DSE: variants seen among roughly 807,000 people sequenced by gnomAD.
The protein encoded by DSE is dermatan-sulfate epimerase.
A neutral mutation model predicts 84.4 loss-of-function variants in DSE; 36 were observed. That is an observed-to-expected ratio of 0.43 (90% CI 0.33 to 0.56). DSE has a LOEUF of 0.56. Among genes scored for constraint, DSE ranks in the 20% least tolerant of loss-of-function variants. The pLI is 0.06. For synonymous variants in DSE, 410 were observed against 430.1 expected, an observed-to-expected ratio of 0.95 and a Z score of 0.58; for missense variants, 862 against 1,169.6, an observed-to-expected ratio of 0.74 and a Z score of 3.84.
chr6:116,299,535 TATATATATATATATATACACATAC>T (rs1412922208), intron 2 of DSE, among the ~76,000 whole-genome samples: 1,103 of 30,440 alleles, frequency 0.036, 59 homozygotes, highest in South Asian at 0.075. Context: ...TATATATATA[TATATATATATATATATACACATAC>T]ACACACACAC....
Position 116,441,717 on chromosome 6 carries a change from A to G in DSE, c.*4372A>G, listed in dbSNP as rs530406037. On this transcript the variant is annotated 3_prime_UTR_variant, in exon 6 of 6. Transcript: ENST00000644252. ...TGAAAATCTATTTGCTGTTAATTTA[A>G]TGGGGTTTTAGGAAGGAACTGAAGG... is the stretch of plus-strand genomic sequence containing the variant. The G allele has an allele frequency of 6.6e-6, 1 of 152,266 alleles. No homozygotes were observed. Among genetic ancestry groups the G allele is most frequent in the Admixed American group, 6.5e-5 (1 of 15,270 alleles). 9.4% of individuals were successfully genotyped at this position (152,266 alleles called of 1,614,324 possible).
chr6:116,258,599 G>C, exon 2 of DSE: 3 of 1,611,472 alleles, frequency 1.9e-6, no homozygotes, highest in Non-Finnish European at 2.5e-6. Context: ...TCCTCTGCCA[G>C]GCACTCAGCA....
rs763948207 is a variant in DSE, at chr6:116,433,349, A to G, written c.917A>G (p.Gln306Arg). ...FMYRTILPGF[Q>R]RTVAIADSNY... The stretch of plus-strand genomic sequence containing the variant: ...TTCCAACTTATTTCCCTAGGGTTTC[A>G]AAGGACTGTGGCTATTGCGGACTCA... Residue 306 changes from glutamine to arginine, a missense_variant, in exon 5 of 6, where the codon CAA (glutamine) becomes CGA (arginine). Physicochemically the swap from Gln to Arg is conservative, Grantham distance 43. This residue lies in a region of DSE where 309 missense variants were observed against 516.9 expected (regional missense o/e 0.60). Coordinates refer to ENST00000644252, the MANE Select transcript of DSE (RefSeq NM_013352.4). 2 of 1,551,118 alleles carry G rather than the reference A, an allele frequency of 1.3e-6. No individual in the cohort carries two copies. Among genetic ancestry groups the G allele is most frequent in the South Asian group, 2.4e-5 (2 of 84,030 alleles).
Position 116,442,108 on chromosome 6 carries a change from C to A in DSE, c.*4763C>A, listed in dbSNP as rs1050070143. The A allele has an allele frequency of 6.6e-6, 1 of 152,178 alleles. No individual in the cohort carries two copies. Among genetic ancestry groups the A allele is most frequent in the African/African-American group, 2.4e-5 (1 of 41,408 alleles). The allele number at this position is 152,178 out of a possible 1,614,324, so 9.4% of individuals were successfully genotyped here. On this transcript the variant is annotated 3_prime_UTR_variant, in exon 6 of 6. Transcript: ENST00000644252. ...TTGAAAGAAATAAGGGAATGAATCA[C>A]AGGGACATCTAAGAGAGAGGAGCAT...
chr6:116,257,626 C>A (rs934901929), intron 1 of DSE, among the ~76,000 whole-genome samples: 1 of 152,194 alleles, frequency 6.6e-6, no homozygotes, highest in African/African-American at 2.4e-5. Context: ...CTGGTGAGGG[C>A]CTACATCCTG....
chr6:116,354,894 C>T (rs1031958078), intron 2 of DSE, among the ~76,000 whole-genome samples: 1 of 151,808 alleles, frequency 6.6e-6, no homozygotes, highest in Non-Finnish European at 1.5e-5. Context: ...TATAAAAAGC[C>T]AATCTGTAAT....
chr6:116,347,413 C>A (rs895710004), intron 2 of DSE, among the ~76,000 whole-genome samples: 9 of 152,118 alleles, frequency 5.9e-5, no homozygotes, highest in African/African-American at 2.2e-4. Flanking sequence ...GTACTGGTAC[C>A]AAAACAGCAT....
At chr6:116,293,063 T>C (rs1417355225) in intron 2 of DSE, among the ~76,000 whole-genome samples, 1 of 152,090 alleles carries the variant, frequency 6.6e-6, no homozygotes, top group African/African-American at 2.4e-5. Flanking sequence ...ATTTAAAATA[T>C]TTTTCAGACA....
intron 2 of DSE, among the ~76,000 whole-genome samples, chr6:116,319,358 A>C (rs755695626): frequency 1.3e-5 from 2 of 152,198 alleles, no homozygotes; most frequent in Admixed American, 6.5e-5. Flanking sequence ...CTGTTTTTGT[A>C]GTTATTCAGG....
chr6:116,398,757 G>A (rs1415508251), intron 1 of DSE, among the ~76,000 whole-genome samples: 1 of 152,226 alleles, frequency 6.6e-6, no homozygotes, highest in African/African-American at 2.4e-5. Flanking sequence ...CAGTGAAAGA[G>A]GCTGTAGTAA....
intron 2 of DSE, among the ~76,000 whole-genome samples, chr6:116,293,246 G>A (rs771094032): frequency 6.6e-6 from 1 of 151,718 alleles, no homozygotes; most frequent in Non-Finnish European, 1.5e-5. Context: ...TTGAGTTCAA[G>A]GTGAATTAAA....
At position 116,399,682 on chromosome 6, in the gene DSE, G is replaced by C. The variant is rs1261649772; in HGVS notation, c.416+16G>C. On this transcript the variant is annotated intron_variant, in intron 2 of 5. Coordinates refer to ENST00000644252, the MANE Select transcript of DSE (RefSeq NM_013352.4). ...AGCCTAGTTGGTAGATTTTTGTCTT[G>C]TTCTTCTTACTGTGGTAACTCTGCA... 1.2e-6 allele frequency: 2 copies of C among 1,605,650 alleles called. No homozygotes were observed. The highest frequency in any genetic ancestry group is 1.1e-5 in the South Asian group (1 of 90,116).
chr6:116,324,996 C>G (rs1265279774), intron 2 of DSE, among the ~76,000 whole-genome samples: 1 of 152,220 alleles, frequency 6.6e-6, no homozygotes, highest in African/African-American at 2.4e-5. Context: ...GCTAGGGACA[C>G]ATACCACCCA....
intron 2 of DSE, among the ~76,000 whole-genome samples, chr6:116,357,849 G>A (rs1043466502): frequency 1.3e-5 from 2 of 152,120 alleles, no homozygotes; most frequent in African/African-American, 2.4e-5. Flanking sequence ...AGTCAGTGCA[G>A]ATGCATAGAA....
chr6:116,299,649 T>G (rs539627757), intron 2 of DSE, among the ~76,000 whole-genome samples: 2 of 139,324 alleles, frequency 1.4e-5, no homozygotes, highest in Non-Finnish European at 3.1e-5. Context: ...GATAAAGAGA[T>G]AGAGATAGAT....
At chr6:116,272,282 G>A (rs1772914944) in intron 2 of DSE, among the ~76,000 whole-genome samples, 1 of 152,114 alleles carries the variant, frequency 6.6e-6, no homozygotes, top group African/African-American at 2.4e-5. Flanking sequence ...TGTGCTACAT[G>A]TAAATTATAC....
chr6:116,301,846 T>C (rs551721642), intron 2 of DSE, among the ~76,000 whole-genome samples: 4 of 152,342 alleles, frequency 2.6e-5, no homozygotes, highest in Admixed American at 2.6e-4. Flanking sequence ...CCATGTGTTA[T>C]CACTGTTCAA....
Position 116,416,097 on chromosome 6 carries a change from T to C in DSE, c.417-10477T>C, listed in dbSNP as rs375640019. ...AGCTCCCTGCCTCCACCTTCAAAGC[T>C]AGCAACCTTGCATCTCTTTGATTCT... On this transcript the variant is annotated intron_variant, in intron 2 of 5. Transcript: ENST00000644252. Among the ~76,000 whole-genome samples the C allele has an allele frequency of 4.6e-5, 7 of 152,178 alleles. No homozygotes were observed. In the South Asian group the frequency reaches 1.4e-3, roughly 31 times the overall value.
At chr6:116,429,039 T>A (rs548080314) in intron 3 of DSE, among the ~76,000 whole-genome samples, 2 of 152,216 alleles carry the variant, frequency 1.3e-5, no homozygotes, top group Admixed American at 1.3e-4. Context: ...TAATGTGGTA[T>A]CCTGGGAACA....
Sources: gnomAD v4.1 joint callset for allele counts (sites outside exome capture counted in the v4.1 genomes callset) on GRCh38, gnomAD v4.1.1 for gene constraint, gnomAD v4.1.1 regional missense constraint, MANE v1.5 for transcripts, NCBI Gene and HGNC (gene_info 2026-07-23, HGNC 2026-07-21) for gene names.